The following CADM2 variants were observed in gnomAD, a reference collection of about 807,000 sequenced individuals.
CADM2 encodes cell adhesion molecule 2.
In CADM2, 12 loss-of-function variants were observed where a neutral mutation model predicts 49.8. The ratio of observed to expected loss-of-function variants is 0.24; its 90% CI spans 0.15 to 0.39. CADM2 has a LOEUF of 0.39. Among genes scored for constraint, CADM2 ranks in the 10% least tolerant of loss-of-function variants. The pLI is 1.00. For missense variants in CADM2, 378 were observed against 492.3 expected (o/e 0.77, Z 2.20); for synonymous variants, 214 against 175.4 (o/e 1.22, Z -1.74).
chr3:85,036,032 A>G (rs1344930780), intron 1 of CADM2, among the ~76,000 whole-genome samples: 1 of 152,204 alleles, frequency 6.6e-6, no homozygotes, highest in African/African-American at 2.4e-5. Flanking sequence ...ATGACTATGT[A>G]TCACTATCCC....
chr3:85,219,052 TATCTC>T lies in CADM2; in HGVS notation c.61+259386_61+259390del, dbSNP rs952146224. 5.3e-5 allele frequency among the ~76,000 whole-genome samples: 8 copies of T among 152,300 alleles called. No homozygotes were observed. The South Asian group carries it at 1.0e-3, about 20-fold the overall frequency. On this transcript the variant is annotated intron_variant, in intron 1 of 9. Coordinates refer to ENST00000383699, the MANE Select transcript of CADM2 (RefSeq NM_001167675.2). ...TTACTTTATATAAAACTTGAAGACTTATCTCAACATCAATTTGAAAGAGAAAAACA... is the reference window on the plus strand; with the variant it reads ...TTACTTTATATAAAACTTGAAGACTTAACATCAATTTGAAAGAGAAAAACA...
chr3:86,021,567 G>A (rs59662176), intron 8 of CADM2, among the ~76,000 whole-genome samples: 4,880 of 152,156 alleles, frequency 0.032, 150 homozygotes, highest in African/African-American at 0.076. Flanking sequence ...TTAGCTTAAT[G>A]TATGGTTTCA....
At chr3:85,785,779 C>T (rs991777743) in intron 2 of CADM2, among the ~76,000 whole-genome samples, 2 of 152,044 alleles carry the variant, frequency 1.3e-5, no homozygotes, top group African/African-American at 4.8e-5. Flanking sequence ...GCTAGTGACA[C>T]CGGCTATTCG....
chr3:85,587,196 G>A (rs2107323074), intron 1 of CADM2, among the ~76,000 whole-genome samples: 2 of 152,188 alleles, frequency 1.3e-5, no homozygotes, highest in Admixed American at 1.3e-4. Flanking sequence ...TGGGTCAGTA[G>A]AAGTTGCTAG....
At chr3:85,217,632 T>C (rs2041958982) in intron 1 of CADM2, among the ~76,000 whole-genome samples, 1 of 152,056 alleles carries the variant, frequency 6.6e-6, no homozygotes, top group Non-Finnish European at 1.5e-5. Context: ...CATGATTTGT[T>C]AGCAGTTATA....
intron 1 of CADM2, among the ~76,000 whole-genome samples, chr3:85,059,619 A>G (rs1029334443): frequency 3.3e-5 from 5 of 152,236 alleles, no homozygotes; most frequent in African/African-American, 1.2e-4. Context: ...GAGGTGATTG[A>G]ACTATGAGGG....
At chr3:85,717,602 C>A (rs1192875793) in intron 1 of CADM2, among the ~76,000 whole-genome samples, 1 of 152,134 alleles carries the variant, frequency 6.6e-6, no homozygotes, top group East Asian at 1.9e-4. Context: ...AGCTTTTGCC[C>A]ATTCAGGATG....
At chr3:85,420,519 C>T (rs1194541572) in intron 1 of CADM2, among the ~76,000 whole-genome samples, 3 of 152,116 alleles carry the variant, frequency 2.0e-5, no homozygotes, top group African/African-American at 7.2e-5. Context: ...ATTATAGCCC[C>T]AACTACTCCT....
chr3:85,818,038 A>T (rs2073323752), intron 3 of CADM2, among the ~76,000 whole-genome samples: 1 of 152,184 alleles, frequency 6.6e-6, no homozygotes. Flanking sequence ...TTGAGATCTT[A>T]TATACTCCTT....
At chr3:86,054,620 C>A (rs1229094923) in intron 8 of CADM2, among the ~76,000 whole-genome samples, 1 of 151,848 alleles carries the variant, frequency 6.6e-6, no homozygotes, top group Non-Finnish European at 1.5e-5. Context: ...AATATTTATT[C>A]TTTATTATAC....
At chr3:85,160,938 G>T (rs1264203287) in intron 1 of CADM2, among the ~76,000 whole-genome samples, 1 of 152,098 alleles carries the variant, frequency 6.6e-6, no homozygotes, top group East Asian at 1.9e-4. Context: ...TTATCAGCCA[G>T]TTTTCTTTTT....
intron 1 of CADM2, among the ~76,000 whole-genome samples, chr3:85,468,857 G>A (rs1464987877): frequency 6.6e-6 from 1 of 152,190 alleles, no homozygotes. Flanking sequence ...CTGGAGCTCA[G>A]ACTTATTGGC....
intron 3 of CADM2, among the ~76,000 whole-genome samples, chr3:85,850,970 T>C (rs898306478): frequency 6.6e-6 from 1 of 152,110 alleles, no homozygotes; most frequent in Non-Finnish European, 1.5e-5. Flanking sequence ...AAAATTATTT[T>C]GGGAGGAAGG....
At chr3:85,719,746 G>C (rs1205410616) in intron 1 of CADM2, among the ~76,000 whole-genome samples, 2 of 152,044 alleles carry the variant, frequency 1.3e-5, no homozygotes, top group African/African-American at 4.8e-5. Context: ...GTTCAAATCT[G>C]TATTGCTCAC....
intron 1 of CADM2, among the ~76,000 whole-genome samples, chr3:85,643,463 C>T (rs999759965): frequency 2.6e-5 from 4 of 152,020 alleles, no homozygotes; most frequent in Non-Finnish European, 5.9e-5. Context: ...TTTAAATTTC[C>T]AGAGATGATT....
intron 8 of CADM2, among the ~76,000 whole-genome samples, chr3:85,977,984 A>G (rs1726996918): frequency 6.6e-6 from 1 of 151,648 alleles, no homozygotes; most frequent in African/African-American, 2.4e-5. Context: ...GTGTGACTCA[A>G]AGACTTTAAC....
chr3:85,220,379 G>A (rs2042018284), intron 1 of CADM2, among the ~76,000 whole-genome samples: 1 of 152,064 alleles, frequency 6.6e-6, no homozygotes, highest in South Asian at 2.1e-4. Flanking sequence ...AATATACTCA[G>A]CATTCTATAT....
chr3:85,704,820 G>A (rs2066888107), intron 1 of CADM2, among the ~76,000 whole-genome samples: 1 of 151,168 alleles, frequency 6.6e-6, no homozygotes, highest in Non-Finnish European at 1.5e-5. Context: ...ATTGAATAGG[G>A]CAATTATTTA....
chr3:85,982,342 C>T (rs891027102), intron 8 of CADM2, among the ~76,000 whole-genome samples: 3 of 151,410 alleles, frequency 2.0e-5, no homozygotes, highest in Non-Finnish European at 4.4e-5. Flanking sequence ...GACACACATG[C>T]GTACACACAC....
Sources: allele counts gnomAD v4.1 joint callset (sites outside exome capture counted in the v4.1 genomes callset), GRCh38; gene constraint gnomAD v4.1.1; transcripts MANE v1.5; gene names NCBI Gene and HGNC (gene_info 2026-07-23, HGNC 2026-07-21).